The following LRRC53 variants were observed in gnomAD, a reference collection of about 807,000 sequenced individuals.
LRRC53 encodes the protein leucine-rich repeat-containing protein 53.
LRRC53 carries 25 observed loss-of-function variants against 13.6 expected under a neutral mutation model. That is an observed-to-expected ratio of 1.83 (90% CI 1.34 to 2.56). The LOEUF (loss-of-function observed/expected upper bound fraction) is 2.56, where lower values mean the gene tolerates loss of function less well. Among genes scored for constraint, LRRC53 ranks in the 30% most tolerant of loss-of-function variants. The probability of loss-of-function intolerance (pLI) is 0.00; values close to 1 mark genes in which losing one functional copy is unlikely to be tolerated. For synonymous variants in LRRC53, 204 were observed against 109.8 expected (o/e 1.86, Z -5.37); for missense variants, 527 against 275.8 (o/e 1.91, Z -6.45).
At chr1:74,487,426 T>A (rs1553151885) in intron 1 of LRRC53, among the ~76,000 whole-genome samples, 1 of 152,124 alleles carries the variant, frequency 6.6e-6, no homozygotes, top group Non-Finnish European at 1.5e-5. Context: ...ACTAGAAATA[T>A]GTAATAGGCT....
At position 74,480,952 on chromosome 1, in the gene LRRC53, C is replaced by A; in HGVS notation, c.105G>T (p.Thr35=). ...LTYIVAAPMT[T]RVLIITDGYL... ...ATCCATCGGTGATGATTAAAACCCTCGTGGTCATAGGGGCTGCTGTGGGGA... is the reference window on the plus strand; with the variant it reads ...ATCCATCGGTGATGATTAAAACCCTAGTGGTCATAGGGGCTGCTGTGGGGA... Residue 35 remains threonine (T), a synonymous_variant, in exon 3 of 5, where the codon ACG becomes ACT. Transcript: ENST00000294635. 1.4e-6 allele frequency: 1 copy of A among 714,842 alleles called. No homozygotes were observed. Among genetic ancestry groups the A allele is most frequent in the Non-Finnish European group, 2.6e-6 (1 of 383,660 alleles). The allele number at this position is 714,842 out of a possible 1,614,324, so 44.3% of individuals were successfully genotyped here.
upstream of LRRC53, among the ~76,000 whole-genome samples, chr1:74,514,025 G>T (rs1646309984): frequency 6.6e-6 from 1 of 152,114 alleles, no homozygotes; most frequent in Non-Finnish European, 1.5e-5. Flanking sequence ...CCTTGAAAAG[G>T]TTGTCAGCCA....
At chr1:74,506,669 G>A (rs1466822943) in intron 1 of LRRC53, among the ~76,000 whole-genome samples, 1 of 152,198 alleles carries the variant, frequency 6.6e-6, no homozygotes, top group African/African-American at 2.4e-5. Context: ...CACCGGACCT[G>A]CCGAATCTGC....
At chr1:74,512,221 T>C (rs889477045) in intron 1 of LRRC53, among the ~76,000 whole-genome samples, 1 of 152,198 alleles carries the variant, frequency 6.6e-6, no homozygotes, top group Non-Finnish European at 1.5e-5. Context: ...TGTCAGTGAT[T>C]GTACAGACTC....
At chr1:74,518,310 A>T in the LRRC53 span, among the ~76,000 whole-genome samples, 1 of 152,094 alleles carries the variant, frequency 6.6e-6, no homozygotes, top group Non-Finnish European at 1.5e-5. Flanking sequence ...CTTCTTTTAT[A>T]TTTATTTTCA....
At chr1:74,482,236 G>T (rs886948298) in intron 2 of LRRC53, among the ~76,000 whole-genome samples, 1 of 152,120 alleles carries the variant, frequency 6.6e-6, no homozygotes, top group African/African-American at 2.4e-5. Flanking sequence ...TCTAGGTCTA[G>T]ACAGAAACCC....
chr1:74,470,408 C>T lies in LRRC53; in HGVS notation c.3214G>A (p.Glu1072Lys), dbSNP rs541070211. Residue 1072 changes from glutamate (E) to lysine (K), a missense_variant, in exon 5 of 5, where the codon GAA becomes AAA. Physicochemically the swap from Glu to Lys is moderately conservative, Grantham distance 56 (BLOSUM62 1). Coordinates refer to ENST00000294635, the MANE Select transcript of LRRC53 (RefSeq NM_001382280.1). ...TNALPRNDGTEALEIKIVGKE... is the reference protein window; with the variant it reads ...TNALPRNDGTKALEIKIVGKE... The stretch of plus-strand genomic sequence containing the variant: ...CCTACTATTTTTATCTCTAGTGCTT[C>T]AGTGCCGTCATTTCTGGGCAATGCA... 2.6e-4 allele frequency: 104 copies of T among 400,702 alleles called. No individual in the cohort carries two copies. In the South Asian group the frequency reaches 5.2e-3, roughly 20 times the overall value. 24.8% of individuals were successfully genotyped at this position (400,702 alleles called of 1,614,324 possible).
chr1:74,504,769 T>A (rs192561881), intron 1 of LRRC53, among the ~76,000 whole-genome samples: 2 of 152,232 alleles, frequency 1.3e-5, no homozygotes, highest in East Asian at 3.9e-4. Flanking sequence ...TCACCGTGGC[T>A]ATTCTGATGC....
chr1:74,484,158 T>C (rs1458202396), intron 1 of LRRC53, among the ~76,000 whole-genome samples: 1 of 151,912 alleles, frequency 6.6e-6, no homozygotes, highest in Non-Finnish European at 1.5e-5. Context: ...TTAACATCAT[T>C]TGAATTTTAT....
intron 1 of LRRC53, among the ~76,000 whole-genome samples, chr1:74,502,332 C>T (rs528457156): frequency 6.6e-6 from 1 of 152,294 alleles, no homozygotes; most frequent in South Asian, 2.1e-4. Flanking sequence ...AACATAATGA[C>T]TTCCCACAAA....
chr1:74,535,701 G>C, the LRRC53 span, among the ~76,000 whole-genome samples: 3 of 152,078 alleles, frequency 2.0e-5, no homozygotes, highest in African/African-American at 7.2e-5. Flanking sequence ...GCAGCATTTT[G>C]TTTTAATTAT....
At chr1:74,481,605 C>T (rs182336991) in intron 2 of LRRC53, among the ~76,000 whole-genome samples, 3 of 152,302 alleles carry the variant, frequency 2.0e-5, no homozygotes, top group Non-Finnish European at 4.4e-5. Flanking sequence ...ATCTTGGCCT[C>T]CTGTCTAATA....
the LRRC53 span, among the ~76,000 whole-genome samples, chr1:74,524,343 C>T: frequency 6.6e-6 from 1 of 152,160 alleles, no homozygotes; most frequent in Non-Finnish European, 1.5e-5. Flanking sequence ...GGGGGCTTGG[C>T]CCATTAGATA....
chr1:74,502,241 TC>T (rs1669670417), intron 1 of LRRC53, among the ~76,000 whole-genome samples: 1 of 152,190 alleles, frequency 6.6e-6, no homozygotes, highest in South Asian at 2.1e-4. Context: ...AAAATGTCTC[TC>T]CTTTTGCTGC....
At chr1:74,523,010 G>A in the LRRC53 span, among the ~76,000 whole-genome samples, 1 of 152,152 alleles carries the variant, frequency 6.6e-6, no homozygotes, top group South Asian at 2.1e-4. Flanking sequence ...ATTCACTACA[G>A]CAGATCACAA....
chr1:74,536,109 C>T, the LRRC53 span, among the ~76,000 whole-genome samples: 1 of 152,220 alleles, frequency 6.6e-6, no homozygotes, highest in East Asian at 1.9e-4. Context: ...ACTCACTAGC[C>T]TAGTTTGTAG....
At chr1:74,531,740 A>G in the LRRC53 span, among the ~76,000 whole-genome samples, 1 of 152,184 alleles carries the variant, frequency 6.6e-6, no homozygotes, top group African/African-American at 2.4e-5. Context: ...GTATTATTGT[A>G]TGTGTTTCCT....
intron 3 of LRRC53, among the ~76,000 whole-genome samples, chr1:74,477,387 T>A (rs562788422): frequency 6.6e-6 from 1 of 152,286 alleles, no homozygotes; most frequent in Non-Finnish European, 1.5e-5. Flanking sequence ...GAATGTTCAT[T>A]GTGATTTGTG....
In LRRC53 at chr1:74,509,022, T is replaced by TC; in HGVS notation, c.-27+3503dup. On this transcript the variant is annotated intron_variant, in intron 1 of 4. Coordinates refer to ENST00000294635, the MANE Select transcript of LRRC53 (RefSeq NM_001382280.1). The stretch of plus-strand genomic sequence containing the variant: ...CTACCCACGGATGGATAAACCCCTT[T>TC]CTGAGGGTGAGAAATGAAAGCCTGT... Among the ~76,000 whole-genome samples the TC allele has an allele frequency of 2.0e-5, 3 of 152,306 alleles. No individual in the cohort carries two copies. The Middle Eastern group carries it at 0.01, about 518-fold the overall frequency.
Sources: allele counts gnomAD v4.1 joint callset (sites outside exome capture counted in the v4.1 genomes callset), GRCh38; gene constraint gnomAD v4.1.1; transcripts MANE v1.5; gene names NCBI Gene and HGNC (gene_info 2026-07-23, HGNC 2026-07-21).